FHIT: variants seen among roughly 807,000 people sequenced by gnomAD.
FHIT encodes fragile histidine triad diadenosine triphosphatase.
A neutral mutation model predicts 17.9 loss-of-function variants in FHIT; 19 were observed. The ratio of observed to expected loss-of-function variants is 1.06; its 90% CI spans 0.74 to 1.56. The LOEUF (loss-of-function observed/expected upper bound fraction) is 1.56, where lower values mean the gene tolerates loss of function less well. Among genes scored for constraint, FHIT ranks in the 40% most tolerant of loss-of-function variants. The pLI is 0.00. For synonymous variants in FHIT, 81 were observed against 69.7 expected, an observed-to-expected ratio of 1.16 and a Z score of -0.81; for missense variants, 248 against 189.2, an observed-to-expected ratio of 1.31 and a Z score of -1.82.
rs375052294 is a variant in FHIT, at chr3:61,207,128, T to C, written c.-212-6463A>G. On this transcript the variant is annotated intron_variant, in intron 1 of 9. Transcript: ENST00000492590. ...TTATATGCTGGATTACGTTAATTGA[T>C]TTGCATATGTTCAACCAGCCTTGCA... Among the ~76,000 whole-genome samples the C allele has an allele frequency of 1.6e-4, 25 of 152,354 alleles. No individual in the cohort carries two copies. In the East Asian group the frequency reaches 3.5e-3, roughly 21 times the overall value.
At chr3:60,090,741 C>A (rs2107092953) in intron 5 of FHIT, among the ~76,000 whole-genome samples, 1 of 152,204 alleles carries the variant, frequency 6.6e-6, no homozygotes, top group South Asian at 2.1e-4. Flanking sequence ...TCAGAGTGTA[C>A]CTGCCACCAG....
chr3:60,735,699 C>G (rs2042120683), intron 4 of FHIT, among the ~76,000 whole-genome samples: 1 of 152,194 alleles, frequency 6.6e-6, no homozygotes, highest in African/African-American at 2.4e-5. Flanking sequence ...TGCATCCAAT[C>G]ATTCTGGAGG....
At chr3:60,650,276 A>G (rs1311582530) in intron 4 of FHIT, among the ~76,000 whole-genome samples, 1 of 152,192 alleles carries the variant, frequency 6.6e-6, no homozygotes, top group Non-Finnish European at 1.5e-5. Context: ...TCTTTGTCTT[A>G]GTTTCTTGTG....
chr3:61,159,672 ATTTC>A (rs2037632205), intron 2 of FHIT, among the ~76,000 whole-genome samples: 1 of 152,208 alleles, frequency 6.6e-6, no homozygotes, highest in African/African-American at 2.4e-5. Flanking sequence ...ATAAGACATG[ATTTC>A]TTCTGTCTAT....
intron 5 of FHIT, among the ~76,000 whole-genome samples, chr3:60,072,808 T>C (rs1020877111): frequency 6.6e-6 from 1 of 152,230 alleles, no homozygotes; most frequent in Non-Finnish European, 1.5e-5. Context: ...TATCAGGATA[T>C]GATACTTTCT....
intron 5 of FHIT, among the ~76,000 whole-genome samples, chr3:60,351,345 A>G (rs1699385730): frequency 6.6e-6 from 1 of 152,140 alleles, no homozygotes; most frequent in Non-Finnish European, 1.5e-5. Context: ...AAGCCACCTC[A>G]TCTCACAGCA....
intron 5 of FHIT, among the ~76,000 whole-genome samples, chr3:60,530,295 G>A (rs2035728015): frequency 6.6e-6 from 1 of 152,174 alleles, no homozygotes; most frequent in African/African-American, 2.4e-5. Context: ...TCTAGATGAG[G>A]TCTAGAGACC....
intron 5 of FHIT, among the ~76,000 whole-genome samples, chr3:60,532,566 T>G (rs1270060263): frequency 6.6e-6 from 1 of 152,222 alleles, no homozygotes; most frequent in East Asian, 1.9e-4. Context: ...CAAGAAACTC[T>G]GAAAAGCATT....
At chr3:60,320,706 A>G (rs943275197) in intron 5 of FHIT, among the ~76,000 whole-genome samples, 1 of 152,176 alleles carries the variant, frequency 6.6e-6, no homozygotes, top group Non-Finnish European at 1.5e-5. Flanking sequence ...AAATGAAAAG[A>G]TTTCTATAAA....
intron 8 of FHIT, among the ~76,000 whole-genome samples, chr3:59,907,151 C>A (rs191306978): frequency 1.3e-5 from 2 of 152,306 alleles, no homozygotes; most frequent in East Asian, 1.9e-4. Context: ...AGGAGTTGAA[C>A]CTCGATAGGA....
intron 5 of FHIT, among the ~76,000 whole-genome samples, chr3:60,473,655 A>G (rs2033200314): frequency 6.6e-6 from 1 of 152,212 alleles, no homozygotes; most frequent in Non-Finnish European, 1.5e-5. Context: ...GCAGTGGCTC[A>G]CGCCTGTAAT....
chr3:60,112,542 C>T (rs1407287221), intron 5 of FHIT, among the ~76,000 whole-genome samples: 1 of 152,160 alleles, frequency 6.6e-6, no homozygotes, highest in Non-Finnish European at 1.5e-5. Context: ...CGTTTACCAG[C>T]AGAAACAGCC....
At chr3:60,409,812 T>C in intron 5 of FHIT, among the ~76,000 whole-genome samples, 1 of 152,286 alleles carries the variant, frequency 6.6e-6, no homozygotes, top group South Asian at 2.1e-4. Flanking sequence ...ATCTCAATAC[T>C]CCCATGCTAC....
At chr3:60,092,123 T>A (rs1703759484) in intron 5 of FHIT, among the ~76,000 whole-genome samples, 1 of 152,164 alleles carries the variant, frequency 6.6e-6, no homozygotes, top group Non-Finnish European at 1.5e-5. Flanking sequence ...CAAGTAACAG[T>A]AACCCCTCTC....
chr3:60,039,338 G>C (rs548327080), intron 5 of FHIT, among the ~76,000 whole-genome samples: 87 of 152,248 alleles, frequency 5.7e-4, no homozygotes, highest in African/African-American at 1.8e-3. Flanking sequence ...TTTCATACAT[G>C]GGGCTTTGGC....
At chr3:60,652,822 A>G (rs2040024798) in intron 4 of FHIT, among the ~76,000 whole-genome samples, 1 of 151,830 alleles carries the variant, frequency 6.6e-6, no homozygotes, top group African/African-American at 2.4e-5. Context: ...AGGCAGGAGA[A>G]TTGCTTGAAC....
intron 7 of FHIT, among the ~76,000 whole-genome samples, chr3:59,952,501 A>T (rs1335853669): frequency 6.6e-6 from 1 of 152,062 alleles, no homozygotes; most frequent in African/African-American, 2.4e-5. Flanking sequence ...ACCTCCCCTG[A>T]CCAAAGCTAG....
chr3:61,201,841 G>A (rs973062109), intron 1 of FHIT, among the ~76,000 whole-genome samples: 1 of 152,126 alleles, frequency 6.6e-6, no homozygotes, highest in Non-Finnish European at 1.5e-5. Flanking sequence ...AAATCTAAGA[G>A]ATGAATAATC....
chr3:60,946,609 G>A (rs561479668), intron 3 of FHIT, among the ~76,000 whole-genome samples: 10 of 152,094 alleles, frequency 6.6e-5, no homozygotes, highest in Non-Finnish European at 1.2e-4. Flanking sequence ...AGGGCGCTGG[G>A]GGGAACGTCT....
Sources: gnomAD v4.1 joint callset for allele counts (sites outside exome capture counted in the v4.1 genomes callset) on GRCh38, gnomAD v4.1.1 for gene constraint, MANE v1.5 for transcripts, NCBI Gene and HGNC (gene_info 2026-07-23, HGNC 2026-07-21) for gene names.